The following ASXL2 variants were observed in gnomAD, a reference collection of about 807,000 sequenced individuals.
The protein encoded by ASXL2 is ASXL transcriptional regulator 2.
A neutral mutation model predicts 122.0 loss-of-function variants in ASXL2; 23 were observed. The ratio of observed to expected loss-of-function variants is 0.19; its 90% CI spans 0.14 to 0.27. The LOEUF (loss-of-function observed/expected upper bound fraction) is 0.27, where lower values mean the gene tolerates loss of function less well. Among genes scored for constraint, ASXL2 ranks in the 10% least tolerant of loss-of-function variants. ASXL2 has a pLI of 1.00. For missense variants in ASXL2, 1,518 were observed against 1,713.8 expected (o/e 0.89, Z 2.02); for synonymous variants, 650 against 637.0 (o/e 1.02, Z -0.31).
At chr2:25,783,882 C>T (rs961374964) in intron 5 of ASXL2, among the ~76,000 whole-genome samples, 1 of 151,762 alleles carries the variant, frequency 6.6e-6, no homozygotes. Flanking sequence ...GGTGAAACCC[C>T]GACTCTACTA....
Position 25,753,554 on chromosome 2 carries a change from A to G in ASXL2, c.1122T>C (p.Phe374=). 6.2e-7 allele frequency: 1 copy of G among 1,613,654 alleles called. No homozygotes were observed. The change falls in exon 11 of 13, where the codon TTT becomes TTC. Residue 374 remains phenylalanine (F), a synonymous_variant. Coordinates refer to ENST00000435504, the MANE Select transcript of ASXL2 (RefSeq NM_018263.6). ...ATTACCTCTGCCCATAGTAGCTTTC[A>G]AAGAATTGTTCTTTCCATGGCTCCA... The part of the protein sequence containing the change: ...KKVEPWKEQF[F]ESYYGQSSGL...
Position 25,735,730 on chromosome 2 carries a change from TA to T in ASXL2, c.*6298del, listed in dbSNP as rs2087724868. 1 of 152,192 alleles carries T rather than the reference TA, an allele frequency of 6.6e-6. No individual in the cohort carries two copies. Among genetic ancestry groups the T allele is most frequent in the Non-Finnish European group, 1.5e-5 (1 of 68,028 alleles). The allele number at this position is 152,192 out of a possible 1,614,324, so 9.4% of individuals were successfully genotyped here. A position where few individuals can be genotyped will look rare whatever the true frequency, so the allele number is the denominator to read the frequency against. ...GTTGGCCTGCTTCTAATTTAGATGT[TA>T]AGAGATTTCTTGAAATTTCTATAGA... is the stretch of plus-strand genomic sequence containing the variant. On this transcript the variant is annotated 3_prime_UTR_variant, in exon 13 of 13. Coordinates refer to ENST00000435504, the MANE Select transcript of ASXL2 (RefSeq NM_018263.6).
chr2:25,851,410 GCTCT>G (rs2089714867), intron 1 of ASXL2, among the ~76,000 whole-genome samples: 1 of 152,208 alleles, frequency 6.6e-6, no homozygotes, highest in East Asian at 1.9e-4. Flanking sequence ...ATTTGTGAGA[GCTCT>G]CTAATTTACA....
intron 3 of ASXL2, among the ~76,000 whole-genome samples, chr2:25,815,376 G>T (rs2089220640): frequency 6.6e-6 from 1 of 151,844 alleles, no homozygotes; most frequent in Non-Finnish European, 1.5e-5. Context: ...ACTTCTGCTT[G>T]CAATGATAAC....
chr2:25,856,427 G>A, intron 1 of ASXL2: 1 of 734,186 alleles, frequency 1.4e-6, no homozygotes, highest in Non-Finnish European at 2.4e-6. Flanking sequence ...GAAGACCTGG[G>A]TCTGTCCAGT....
chr2:25,756,141 G>C (rs374124249), intron 9 of ASXL2, 27 bp from the exon 10 acceptor site: 1 of 1,463,840 alleles, frequency 6.8e-7, no homozygotes, highest in African/African-American at 1.4e-5. Flanking sequence ...GCCAAGGAAA[G>C]CTTACAAAGA....
At chr2:25,825,697 T>C (rs1377590764) in intron 3 of ASXL2, among the ~76,000 whole-genome samples, 7 of 152,178 alleles carry the variant, frequency 4.6e-5, no homozygotes, top group Non-Finnish European at 8.8e-5. Context: ...CATCAATGGA[T>C]ATTTGGGTTG....
At chr2:25,870,151 G>C (rs1309033350) in intron 1 of ASXL2, among the ~76,000 whole-genome samples, 1 of 152,148 alleles carries the variant, frequency 6.6e-6, no homozygotes, top group Admixed American at 6.6e-5. Context: ...TAACAACTCA[G>C]ATGCATCTTC....
intron 5 of ASXL2, among the ~76,000 whole-genome samples, chr2:25,775,189 A>ACAATCTCAGCTCACTG (rs2088526026): frequency 6.6e-6 from 1 of 151,966 alleles, no homozygotes; most frequent in Admixed American, 6.6e-5. Flanking sequence ...GTGCAATGGC[A>ACAATCTCAGCTCACTG]CAATCTCAGC....
At chr2:25,829,289 T>TACACAC (rs148405440) in intron 3 of ASXL2, among the ~76,000 whole-genome samples, 15 of 145,614 alleles carry the variant, frequency 1.0e-4, no homozygotes, top group African/African-American at 2.5e-4. Flanking sequence ...CACATACACA[T>TACACAC]ACACACACAC....
At chr2:25,757,804 T>C (rs764721107) in intron 9 of ASXL2, among the ~76,000 whole-genome samples, 2 of 151,626 alleles carry the variant, frequency 1.3e-5, no homozygotes, top group Non-Finnish European at 2.9e-5. Context: ...GATTTAGAAC[T>C]TGATAAAGAA....
At position 25,734,563 on chromosome 2, in the gene ASXL2, C is replaced by G. The variant is rs1313612334; in HGVS notation, c.*7466G>C. ...GACATAAGCTTTGTGTAAAATAGTT[C>G]TAAAGTATCTTCAGATATTTTGGTA... On this transcript the variant is annotated 3_prime_UTR_variant, in exon 13 of 13. Transcript: ENST00000435504. 6.6e-6 allele frequency: 1 copy of G among 152,278 alleles called. No individual in the cohort carries two copies. Among genetic ancestry groups the G allele is most frequent in the Non-Finnish European group, 1.5e-5 (1 of 68,002 alleles). 9.4% of individuals were successfully genotyped at this position (152,278 alleles called of 1,614,324 possible). A position where few individuals can be genotyped will look rare whatever the true frequency, so the allele number is the denominator to read the frequency against.
At chr2:25,780,268 C>T (rs1416769459) in intron 5 of ASXL2, 2 of 151,518 alleles carry the variant, frequency 1.3e-5, no homozygotes, top group Non-Finnish European at 2.9e-5. Flanking sequence ...CAGGCGGGAG[C>T]CACTTTGATT....
At chr2:25,805,625 T>C (rs2149174126) in intron 4 of ASXL2, among the ~76,000 whole-genome samples, 1 of 152,314 alleles carries the variant, frequency 6.6e-6, no homozygotes, top group East Asian at 1.9e-4. Flanking sequence ...ACAAATGTTG[T>C]GGGGCTCCTT....
intron 1 of ASXL2, among the ~76,000 whole-genome samples, chr2:25,867,849 T>C (rs750438877): frequency 2.4e-4 from 36 of 152,216 alleles, no homozygotes; most frequent in Non-Finnish European, 4.1e-4. Context: ...TTGCCGATCA[T>C]TCACTTGTAA....
intron 5 of ASXL2, among the ~76,000 whole-genome samples, chr2:25,782,839 G>A (rs575275066): frequency 6.6e-6 from 1 of 152,120 alleles, no homozygotes; most frequent in African/African-American, 2.4e-5. Flanking sequence ...ACATATGGTT[G>A]CATTCTGGCT....
chr2:25,823,309 C>G (rs879831178), intron 3 of ASXL2, among the ~76,000 whole-genome samples: 2 of 152,206 alleles, frequency 1.3e-5, no homozygotes, highest in Admixed American at 1.3e-4. Flanking sequence ...ATAGGAAGCT[C>G]TCAGCTTACG....
chr2:25,755,304 C>T (rs1381594507), intron 10 of ASXL2, among the ~76,000 whole-genome samples: 1 of 152,158 alleles, frequency 6.6e-6, no homozygotes, highest in Admixed American at 6.5e-5. Context: ...GGTGTTTGCA[C>T]ATCAGTATTT....
intron 1 of ASXL2, among the ~76,000 whole-genome samples, chr2:25,858,515 G>A (rs1438931955): frequency 1.3e-5 from 2 of 151,788 alleles, no homozygotes; most frequent in Non-Finnish European, 2.9e-5. Flanking sequence ...ATGAGGTCAA[G>A]AGATGGAGAC....
Sources: gnomAD v4.1 joint callset for allele counts (sites outside exome capture counted in the v4.1 genomes callset) on GRCh38, gnomAD v4.1.1 for gene constraint, MANE v1.5 for transcripts, NCBI Gene and HGNC (gene_info 2026-07-23, HGNC 2026-07-21) for gene names.